BIN1: variants seen among roughly 807,000 people sequenced by gnomAD.
BIN1 encodes bridging integrator 1.
BIN1 carries 53 observed loss-of-function variants against 82.0 expected under a neutral mutation model. The observed-to-expected ratio is 0.65, with a 90% CI of 0.52 to 0.81. The LOEUF is 0.81. BIN1 is among the 40% of genes least tolerant of loss of function. BIN1 has a pLI of 0.00. For missense variants in BIN1, 642 were observed against 784.4 expected (o/e 0.82, Z 2.17); for synonymous variants, 302 against 328.0 (o/e 0.92, Z 0.86).
intron 18 of BIN1, among the ~76,000 whole-genome samples, chr2:127,050,108 G>A (rs1369178811): frequency 1.3e-5 from 2 of 152,218 alleles, no homozygotes; most frequent in Non-Finnish European, 1.5e-5. Context: ...GAGAAGGGGA[G>A]AGACAGAGGC....
At chr2:127,070,690 G>A (rs377398189) in intron 3 of BIN1, 43 bp from the exon 4 acceptor site, 11 of 1,613,652 alleles carry the variant, frequency 6.8e-6, no homozygotes, top group Middle Eastern at 1.6e-4. Flanking sequence ...CACTGATAGC[G>A]CTTGTCCCAC....
Position 127,050,411 on chromosome 2 carries a change from C to T in BIN1, c.1674+10G>A. On this transcript the variant is annotated intron_variant, in intron 18 of 18. Transcript: ENST00000316724. ...CCCCCTGCGCTCTGGCGGCCCCACC[C>T]AGCCCTCACCTGCTCTTCAGGGTTC... The T allele has an allele frequency of 6.2e-7, 1 of 1,614,018 alleles. No homozygotes were observed. Among genetic ancestry groups the T allele is most frequent in the South Asian group, 1.1e-5 (1 of 91,074 alleles).
intron 2 of BIN1, among the ~76,000 whole-genome samples, chr2:127,073,282 G>A (rs1436472232): frequency 1.3e-5 from 2 of 152,194 alleles, no homozygotes; most frequent in Non-Finnish European, 2.9e-5. Flanking sequence ...GCAGGGCAGC[G>A]TCCAGGCCAG....
chr2:127,099,889 C>T (rs1043490587), intron 1 of BIN1, among the ~76,000 whole-genome samples: 1 of 151,748 alleles, frequency 6.6e-6, no homozygotes, highest in Non-Finnish European at 1.5e-5. Flanking sequence ...CTGCAACCTC[C>T]GCCTTGCAGG....
intron 2 of BIN1, among the ~76,000 whole-genome samples, chr2:127,071,216 A>G (rs774855312): frequency 1.3e-5 from 2 of 152,170 alleles, no homozygotes; most frequent in Admixed American, 1.3e-4. Flanking sequence ...TGAGCACAGG[A>G]GTATGGGCAA....
Position 127,093,737 on chromosome 2 carries a change from T to A in BIN1, c.84+13123A>T, listed in dbSNP as rs1679230424. On this transcript the variant is annotated intron_variant, in intron 1 of 18. Coordinates refer to ENST00000316724, the MANE Select transcript of BIN1 (RefSeq NM_139343.3). This position sits in a 1 kb window ranked among gnomAD's most constrained non-coding sequence, Gnocchi z 5.7. ...GATGCTTTGCTCTTGGAAACCTGTC[T>A]TTCGTTAGAGCGGTGTCAGCTGTGG... Among the ~76,000 whole-genome samples, 1 of 152,266 alleles carries A rather than the reference T, an allele frequency of 6.6e-6. No homozygotes were observed. The highest frequency in any genetic ancestry group is 2.1e-4 in the South Asian group (1 of 4,830).
rs562491770 is a variant in BIN1, at chr2:127,054,561, T to A, written c.1132-549A>T. 1,129 of 157,348 alleles carry A rather than the reference T, an allele frequency of 7.2e-3. 9 individuals are homozygous for A. The highest frequency in any genetic ancestry group is 0.011 in the Non-Finnish European group (764 of 71,178). 9.7% of individuals were successfully genotyped at this position (157,348 alleles called of 1,614,324 possible). A position where few individuals can be genotyped will look rare whatever the true frequency, so the allele number is the denominator to read the frequency against. On this transcript the variant is annotated intron_variant, in intron 12 of 18. Coordinates refer to ENST00000316724, the MANE Select transcript of BIN1 (RefSeq NM_139343.3). ...TCCACCCCAGACAGGGAGGTCACTC[T>A]CTGGCGACACCACCAGCCGTCAGCT...
At chr2:127,053,112 A>C in intron 14 of BIN1, 1 of 480,460 alleles carries the variant, frequency 2.1e-6, no homozygotes, top group Non-Finnish European at 3.8e-6. Flanking sequence ...ATCCTGGGTG[A>C]CCGGCCCACT....
chr2:127,050,712 G>T, intron 17 of BIN1, 90 bp downstream of exon 17: 1 of 1,477,416 alleles, frequency 6.8e-7, no homozygotes, highest in Non-Finnish European at 9.4e-7. Context: ...GCACAACTTT[G>T]GGCAAACCAC....
Position 127,057,399 on chromosome 2 carries a change from T to C in BIN1, c.1131+74A>G. The C allele has an allele frequency of 2.1e-6, 3 of 1,454,144 alleles. No homozygotes were observed. The highest frequency in any genetic ancestry group is 2.7e-6 in the Non-Finnish European group (3 of 1,097,628). 90.1% of individuals were successfully genotyped at this position (1,454,144 alleles called of 1,614,324 possible). A position where few individuals can be genotyped will look rare whatever the true frequency, so the allele number is the denominator to read the frequency against. On this transcript the variant is annotated intron_variant, in intron 12 of 18. Coordinates refer to ENST00000316724, the MANE Select transcript of BIN1 (RefSeq NM_139343.3). The surrounding 1 kb of genome is among the most constrained non-coding windows in gnomAD (Gnocchi z 5.0). Reference sequence around the variant, plus strand: ...ATTCCTGGCTCTTGAGACAGAAGCATAGAGGATGAAGGCCATGCACGCCCT... The same window carrying C: ...ATTCCTGGCTCTTGAGACAGAAGCACAGAGGATGAAGGCCATGCACGCCCT...
At position 127,062,120 on chromosome 2, in the gene BIN1, C is replaced by A. The variant is rs1684578845; in HGVS notation, c.852G>T (p.Gln284His). The A allele has an allele frequency of 1.2e-6, 2 of 1,607,552 alleles. No individual in the cohort carries two copies. The highest frequency in any genetic ancestry group is 1.7e-6 in the Non-Finnish European group (2 of 1,177,436). The change falls in exon 10 of 19, where the codon CAG (glutamine) becomes CAT (histidine). Residue 284 changes from glutamine to histidine, a missense_variant. Transcript: ENST00000316724. ...HGSNTFTVKAQPSDNAPAKGN... is the reference protein window; with the variant it reads ...HGSNTFTVKAHPSDNAPAKGN... The stretch of plus-strand genomic sequence containing the variant: ...AGGGCTCTCCCCGCACGCACCTGGG[C>A]TGGGCCTTGACCGTGAAGGTGTTGC...
chr2:127,060,557 C>T (rs1558813890), intron 10 of BIN1: 6 of 1,613,782 alleles, frequency 3.7e-6, no homozygotes, highest in East Asian at 2.2e-5. Context: ...AGCCAGGGCG[C>T]GGGCCTCTGC....
At chr2:127,089,144 A>C (rs1678578393) in intron 1 of BIN1, among the ~76,000 whole-genome samples, 1 of 152,164 alleles carries the variant, frequency 6.6e-6, no homozygotes, top group South Asian at 2.1e-4. Context: ...CACTGCCTTA[A>C]CAACTCCCCA....
At chr2:127,101,842 T>C (rs873270) in intron 1 of BIN1, among the ~76,000 whole-genome samples, 19,119 of 152,156 alleles carry the variant, frequency 0.13, 1,412 homozygotes, top group Non-Finnish European at 0.17. Context: ...GCCCCGGGTC[T>C]GTGAACGTCA....
chr2:127,055,031 A>G lies in BIN1; in HGVS notation c.1132-1019T>C, dbSNP rs547225502. The G allele has an allele frequency of 7.9e-5, 12 of 152,336 alleles. 1 individual carries two copies. Among genetic ancestry groups the G allele is most frequent in the African/African-American group, 2.6e-4 (11 of 41,568 alleles). 9.4% of individuals were successfully genotyped at this position (152,336 alleles called of 1,614,324 possible). The stretch of plus-strand genomic sequence containing the variant: ...TTGGGGGCCAGAGAGAACTTTGCCC[A>G]GGTTTAAAAGGAGAGGGACGTGGCC... On this transcript the variant is annotated intron_variant, in intron 12 of 18. Transcript: ENST00000316724.
chr2:127,078,683 G>A (rs1198738628), intron 1 of BIN1, among the ~76,000 whole-genome samples: 1 of 152,150 alleles, frequency 6.6e-6, no homozygotes, highest in East Asian at 1.9e-4. Context: ...ACCCCCACAT[G>A]AGCAAGAAAA....
chr2:127,070,892 C>T, intron 2 of BIN1, 76 bp from the exon 3 acceptor site: 1 of 1,458,138 alleles, frequency 6.9e-7, no homozygotes, highest in African/African-American at 1.4e-5. Context: ...TCCTGCCACC[C>T]TCACGTGAAT....
At position 127,081,793 on chromosome 2, in the gene BIN1, C is replaced by T. The variant is rs1316369762; in HGVS notation, c.85-5087G>A. The stretch of plus-strand genomic sequence containing the variant: ...AATCTCCCTCCCAGGCACCCACCAC[C>T]CAGCTGCTGAGACCCCAGAAAACGC... On this transcript the variant is annotated intron_variant, in intron 1 of 18. Coordinates refer to ENST00000316724, the MANE Select transcript of BIN1 (RefSeq NM_139343.3). 1.6e-6 allele frequency: 2 copies of T among 1,285,232 alleles called. 1 individual carries two copies. Among genetic ancestry groups the T allele is most frequent in the South Asian group, 2.5e-5 (2 of 80,428 alleles). 79.6% of individuals were successfully genotyped at this position (1,285,232 alleles called of 1,614,324 possible).
intron 1 of BIN1, among the ~76,000 whole-genome samples, chr2:127,091,957 G>A (rs1309998520): frequency 1.3e-5 from 2 of 148,426 alleles, no homozygotes; most frequent in African/African-American, 2.4e-5. Flanking sequence ...AGCCAGAGGG[G>A]ACAAGAACAT....
Sources: allele counts gnomAD v4.1 joint callset (sites outside exome capture counted in the v4.1 genomes callset), GRCh38; gene constraint gnomAD v4.1.1; non-coding constraint Gnocchi (gnomAD v3.1); transcripts MANE v1.5; gene names NCBI Gene and HGNC (gene_info 2026-07-23, HGNC 2026-07-21).